CNTN4: variants seen among roughly 807,000 people sequenced by gnomAD.
CNTN4 encodes the protein contactin-4.
In CNTN4, 77 loss-of-function variants were observed where a neutral mutation model predicts 122.5. That is an observed-to-expected ratio of 0.63 (90% CI 0.52 to 0.76). The LOEUF (loss-of-function observed/expected upper bound fraction) is 0.76, where lower values mean the gene tolerates loss of function less well. Among genes scored for constraint, CNTN4 ranks in the 30% least tolerant of loss-of-function variants. The pLI is 0.00. For synonymous variants in CNTN4, 512 were observed against 447.0 expected (o/e 1.15, Z -1.83); for missense variants, 1,256 against 1,259.1 (o/e 1.00, Z 0.04).
intron 3 of CNTN4, among the ~76,000 whole-genome samples, chr3:2,497,513 C>A (rs2076484239): frequency 6.6e-6 from 1 of 152,078 alleles, no homozygotes; most frequent in Admixed American, 6.5e-5. Context: ...TGAGTGGCAA[C>A]CTAGGGAGAC....
intron 3 of CNTN4, among the ~76,000 whole-genome samples, chr3:2,547,710 C>G (rs990736705): frequency 2.7e-4 from 41 of 152,050 alleles, no homozygotes; most frequent in Non-Finnish European, 5.3e-4. Flanking sequence ...GCTTCATTCA[C>G]CAGAATGAAA....
chr3:2,820,682 G>A (rs890040385), intron 7 of CNTN4, among the ~76,000 whole-genome samples: 1 of 151,968 alleles, frequency 6.6e-6, no homozygotes, highest in Non-Finnish European at 1.5e-5. Flanking sequence ...TGGTTGAAAA[G>A]GGCCTATTTA....
At chr3:2,291,744 C>CT (rs2042142770) in intron 2 of CNTN4, among the ~76,000 whole-genome samples, 1 of 151,658 alleles carries the variant, frequency 6.6e-6, no homozygotes, top group African/African-American at 2.4e-5. Context: ...TATTTATTAA[C>CT]TTTTTTTGAG....
intron 2 of CNTN4, among the ~76,000 whole-genome samples, chr3:2,191,817 T>C (rs1288718810): frequency 6.6e-6 from 1 of 152,116 alleles, no homozygotes; most frequent in Non-Finnish European, 1.5e-5. Context: ...GCCATGTTGG[T>C]GTGCTGCACC....
chr3:2,798,366 A>ATCTATCTACCTATCTATCTATCT (rs57013365), intron 6 of CNTN4, among the ~76,000 whole-genome samples: 9 of 135,372 alleles, frequency 6.6e-5, no homozygotes, highest in South Asian at 2.5e-4. Context: ...TACACACATA[A>ATCTATCTACCTATCTATCTATCT]ATCTATCTAT....
intron 4 of CNTN4, among the ~76,000 whole-genome samples, chr3:2,587,045 T>C (rs948903378): frequency 5.3e-5 from 8 of 152,218 alleles, no homozygotes; most frequent in African/African-American, 1.7e-4. Context: ...AGCTGTTCAT[T>C]TCCCTCTGAG....
intron 2 of CNTN4, among the ~76,000 whole-genome samples, chr3:2,178,763 T>C (rs1046973039): frequency 1.3e-5 from 2 of 152,022 alleles, no homozygotes; most frequent in Admixed American, 6.6e-5. Flanking sequence ...TATTCTGTTA[T>C]CATCTAACTC....
At chr3:2,853,437 G>C (rs1042325547) in intron 7 of CNTN4, among the ~76,000 whole-genome samples, 3 of 152,158 alleles carry the variant, frequency 2.0e-5, no homozygotes, top group African/African-American at 7.2e-5. Context: ...TAGAGATGGA[G>C]TTTCACCACA....
intron 2 of CNTN4, among the ~76,000 whole-genome samples, chr3:2,154,966 C>A (rs1279332473): frequency 6.6e-6 from 1 of 152,236 alleles, no homozygotes; most frequent in Non-Finnish European, 1.5e-5. Context: ...ACACCAGTGT[C>A]CTAAATCTGA....
At chr3:2,739,667 A>C (rs2089341393) in intron 5 of CNTN4, among the ~76,000 whole-genome samples, 1 of 152,252 alleles carries the variant, frequency 6.6e-6, no homozygotes, top group African/African-American at 2.4e-5. Context: ...GAATTAAATT[A>C]ACATAAAGCA....
chr3:2,401,379 C>T (rs79062319), intron 3 of CNTN4, among the ~76,000 whole-genome samples: 3,678 of 152,204 alleles, frequency 0.024, 74 homozygotes, highest in Non-Finnish European at 0.035. Flanking sequence ...GATCGATCTA[C>T]TCGTCCCTGC....
At chr3:2,832,825 G>C (rs1035151752) in intron 7 of CNTN4, among the ~76,000 whole-genome samples, 2 of 152,166 alleles carry the variant, frequency 1.3e-5, no homozygotes, top group Non-Finnish European at 2.9e-5. Context: ...TGGGAGCCCC[G>C]TGCAGTCAAT....
chr3:3,031,198 T>C (rs1227130627), intron 16 of CNTN4, among the ~76,000 whole-genome samples: 3 of 152,186 alleles, frequency 2.0e-5, no homozygotes, highest in African/African-American at 7.2e-5. Flanking sequence ...AACTTTACAC[T>C]AGAAGGATAA....
chr3:2,941,932 C>T (rs935443934), intron 13 of CNTN4, among the ~76,000 whole-genome samples: 7 of 152,144 alleles, frequency 4.6e-5, no homozygotes, highest in African/African-American at 1.4e-4. Context: ...CCGTGTATAC[C>T]GCACTTCTCA....
chr3:2,288,695 A>G (rs1326714373), intron 2 of CNTN4, among the ~76,000 whole-genome samples: 3 of 152,244 alleles, frequency 2.0e-5, no homozygotes. Context: ...AAAACAAAAT[A>G]TAATGAAAAT....
chr3:2,368,759 T>C (rs999078431), intron 3 of CNTN4, among the ~76,000 whole-genome samples: 4 of 152,170 alleles, frequency 2.6e-5, no homozygotes, highest in African/African-American at 9.7e-5. Flanking sequence ...TGGTTATGAC[T>C]ACAAAGCAAG....
At chr3:2,301,292 T>C (rs11706819) in intron 2 of CNTN4, among the ~76,000 whole-genome samples, 15,518 of 152,300 alleles carry the variant, frequency 0.1, 946 homozygotes, top group Middle Eastern at 0.14. Flanking sequence ...ATGGTCTGCA[T>C]TATATTTCTT....
chr3:2,680,347 T>C (rs1339130851), intron 4 of CNTN4, among the ~76,000 whole-genome samples: 1 of 152,150 alleles, frequency 6.6e-6, no homozygotes. Context: ...GGTAACAAGA[T>C]GAGCAAGAGT....
At chr3:2,172,771 G>A (rs976213496) in intron 2 of CNTN4, among the ~76,000 whole-genome samples, 1 of 152,164 alleles carries the variant, frequency 6.6e-6, no homozygotes, top group Admixed American at 6.5e-5. Flanking sequence ...GGAGAGCCAA[G>A]TTAGAAGGCA....
Sources: allele counts gnomAD v4.1 joint callset (sites outside exome capture counted in the v4.1 genomes callset), GRCh38; gene constraint gnomAD v4.1.1; transcripts MANE v1.5; gene names NCBI Gene and HGNC (gene_info 2026-07-23, HGNC 2026-07-21).